The following ZDHHC20 variants were observed in gnomAD, a reference collection of about 807,000 sequenced individuals.
ZDHHC20 encodes the protein zDHHC palmitoyltransferase 20, also known as palmitoyltransferase ZDHHC20.
Under a neutral mutation model 57.8 loss-of-function variants are expected in ZDHHC20, and 43 were observed. The observed-to-expected ratio is 0.74, with a 90% confidence interval of 0.58 to 0.96. The LOEUF (loss-of-function observed/expected upper bound fraction) is 0.96, where lower values mean the gene tolerates loss of function less well. Among genes scored for constraint, ZDHHC20 ranks in the 40% least tolerant of loss-of-function variants. The probability of loss-of-function intolerance (pLI) is 0.00; values close to 1 mark genes in which losing one functional copy is unlikely to be tolerated. For missense variants in ZDHHC20, 391 were observed against 441.1 expected (o/e 0.89, Z 1.02); for synonymous variants, 157 against 153.0 (o/e 1.03, Z -0.19).
intron 3 of ZDHHC20, among the ~76,000 whole-genome samples, chr13:21,417,506 C>CT (rs1372986979): frequency 6.6e-6 from 1 of 152,144 alleles, no homozygotes; most frequent in Non-Finnish European, 1.5e-5. Context: ...ATGGCGCAAT[C>CT]TTGGCTTACT....
intron 1 of ZDHHC20, among the ~76,000 whole-genome samples, chr13:21,429,235 C>T (rs1881639668): frequency 6.6e-6 from 1 of 152,112 alleles, no homozygotes; most frequent in African/African-American, 2.4e-5. Context: ...AATTTTTTTG[C>T]CCTCCTTAAC....
At chr13:21,445,318 T>C (rs185362708) in intron 1 of ZDHHC20, among the ~76,000 whole-genome samples, 6 of 152,300 alleles carry the variant, frequency 3.9e-5, no homozygotes, top group Admixed American at 2.0e-4. Flanking sequence ...ATCAATTGTA[T>C]GGCCTCAAAA....
chr13:21,380,983 ATATTT>A (rs1873278633), intron 11 of ZDHHC20, among the ~76,000 whole-genome samples: 1 of 151,152 alleles, frequency 6.6e-6, no homozygotes, highest in Non-Finnish European at 1.5e-5. Flanking sequence ...CACCCTATAT[ATATTT>A]TATTTATTTA....
At chr13:21,386,141 C>A (rs1007239618) in intron 9 of ZDHHC20, among the ~76,000 whole-genome samples, 4 of 152,036 alleles carry the variant, frequency 2.6e-5, no homozygotes, top group South Asian at 2.1e-4. Context: ...CAAAAGAGAT[C>A]GATGAACTTG....
chr13:21,457,403 T>C (rs1453288159), intron 1 of ZDHHC20, among the ~76,000 whole-genome samples: 1 of 152,162 alleles, frequency 6.6e-6, no homozygotes, highest in African/African-American at 2.4e-5. Context: ...AAAGGAGGTA[T>C]CATCATAAGT....
At chr13:21,404,419 C>G (rs1256932463) in intron 4 of ZDHHC20, 1 of 455,314 alleles carries the variant, frequency 2.2e-6, no homozygotes, top group African/African-American at 2.0e-5. Context: ...TTTGACAACC[C>G]TAATATGGAA....
intron 1 of ZDHHC20, among the ~76,000 whole-genome samples, chr13:21,426,145 C>T (rs570588968): frequency 6.6e-6 from 1 of 152,208 alleles, no homozygotes; most frequent in African/African-American, 2.4e-5. Context: ...TTTTTTTCCT[C>T]TGAATAATCA....
At chr13:21,384,642 G>A (rs567093719) in intron 9 of ZDHHC20, among the ~76,000 whole-genome samples, 1 of 152,224 alleles carries the variant, frequency 6.6e-6, no homozygotes, top group South Asian at 2.1e-4. Flanking sequence ...AATAATGAAT[G>A]ATGAATAATT....
chr13:21,432,551 C>G (rs1475948201), intron 1 of ZDHHC20, among the ~76,000 whole-genome samples: 1 of 152,152 alleles, frequency 6.6e-6, no homozygotes, highest in African/African-American at 2.4e-5. Flanking sequence ...CCAAGGTGGT[C>G]TGGATCTCCT....
chr13:21,430,770 GA>G (rs376427918), intron 1 of ZDHHC20, among the ~76,000 whole-genome samples: 24 of 149,408 alleles, frequency 1.6e-4, no homozygotes, highest in South Asian at 6.4e-4. Flanking sequence ...CATATATGAA[GA>G]AAAAAAAAAT....
intron 7 of ZDHHC20, among the ~76,000 whole-genome samples, chr13:21,394,785 G>C (rs1876471683): frequency 1.3e-5 from 2 of 152,162 alleles, no homozygotes; most frequent in African/African-American, 4.8e-5. Flanking sequence ...AAGGTGCCCA[G>C]CTAAGGGGGA....
At chr13:21,401,783 AACT>A in intron 5 of ZDHHC20, 98 bp from the exon 6 acceptor site, 1 of 1,099,786 alleles carries the variant, frequency 9.1e-7, no homozygotes, top group Non-Finnish European at 1.3e-6. Context: ...TTCCCTTTAC[AACT>A]ACATCTTAAG....
chr13:21,378,967 T>C (rs373047721), intron 11 of ZDHHC20, among the ~76,000 whole-genome samples: 1 of 152,214 alleles, frequency 6.6e-6, no homozygotes, highest in Admixed American at 6.5e-5. Context: ...CTATTGGCTT[T>C]AAAGATGTTA....
At chr13:21,456,308 G>C (rs1455303051) in intron 1 of ZDHHC20, among the ~76,000 whole-genome samples, 5 of 152,172 alleles carry the variant, frequency 3.3e-5, no homozygotes, top group Non-Finnish European at 5.9e-5. Flanking sequence ...TACTTGGGAG[G>C]CTGAGGCAGG....
At chr13:21,376,962 G>A (rs537011583) in intron 12 of ZDHHC20, 6 of 185,168 alleles carry the variant, frequency 3.2e-5, no homozygotes, top group African/African-American at 4.7e-5. Context: ...TAAGATTGGC[G>A]CAAGATGTAG....
At chr13:21,413,500 T>TACC (rs55920730) in intron 4 of ZDHHC20, among the ~76,000 whole-genome samples, 152 bp downstream of exon 4, 117,010 of 151,848 alleles carry the variant, frequency 0.77, 45,442 homozygotes, top group East Asian at 1. Flanking sequence ...GCATCTGAAA[T>TACC]ACAGTAAGGA....
chr13:21,453,828 TAAAAC>T (rs1884676601), intron 1 of ZDHHC20, among the ~76,000 whole-genome samples: 2 of 151,926 alleles, frequency 1.3e-5, no homozygotes, highest in Admixed American at 6.6e-5. Context: ...AAAACTGTCT[TAAAAC>T]AAAACAAAAT....
At chr13:21,392,477 T>C (rs1315135957) in intron 7 of ZDHHC20, among the ~76,000 whole-genome samples, 1 of 152,260 alleles carries the variant, frequency 6.6e-6, no homozygotes, top group Non-Finnish European at 1.5e-5. Flanking sequence ...GCTGCTTCAA[T>C]TCCTACTTTT....
At chr13:21,391,667 A>T (rs1875741202) in intron 8 of ZDHHC20, 55 bp downstream of exon 8, 1 of 1,532,136 alleles carries the variant, frequency 6.5e-7, no homozygotes, top group Non-Finnish European at 8.8e-7. Flanking sequence ...TCTAGATTTC[A>T]TATTTATTTA....
Sources: allele counts gnomAD v4.1 joint callset (sites outside exome capture counted in the v4.1 genomes callset), GRCh38; gene constraint gnomAD v4.1.1; transcripts MANE v1.5; gene names NCBI Gene and HGNC (gene_info 2026-07-23, HGNC 2026-07-21).